CSNK2A1: variants seen among roughly 807,000 people sequenced by gnomAD.
CSNK2A1 encodes the protein casein kinase II subunit alpha.
In CSNK2A1, 10 loss-of-function variants were observed where a neutral mutation model predicts 62.9. The ratio of observed to expected loss-of-function variants is 0.16; its 90% CI spans 0.10 to 0.27. CSNK2A1 has a LOEUF of 0.27. Ranked by LOEUF, CSNK2A1 falls within the 10% of genes least tolerant of loss-of-function variation. CSNK2A1 has a pLI of 1.00. For synonymous variants in CSNK2A1, 124 were observed against 167.8 expected (o/e 0.74, Z 2.02); for missense variants, 160 against 492.0 (o/e 0.33, Z 6.38).
chr20:487,458 A>G lies in CSNK2A1; in HGVS notation c.942T>C (p.Thr314=). 3 of 1,614,136 alleles carry G rather than the reference A, an allele frequency of 1.9e-6. No homozygotes were observed. Among genetic ancestry groups the G allele is most frequent in the Non-Finnish European group, 2.5e-6 (3 of 1,180,030 alleles). Residue 314 remains threonine, a synonymous_variant, in exon 12 of 14, where the codon ACT becomes ACC. Transcript: ENST00000217244. ...LLRYDHQSRL[T]AREAMEHPYF... The stretch of plus-strand genomic sequence containing the variant: ...AGGGGTGCTCCATTGCCTCTCTTGC[A>G]GTAAGCCGTGACTGGTGGTCATATC...
intron 13 of CSNK2A1, among the ~76,000 whole-genome samples, chr20:484,892 C>A (rs930805305): frequency 6.6e-6 from 1 of 150,580 alleles, no homozygotes; most frequent in Non-Finnish European, 1.5e-5. Flanking sequence ...CATGGTGAAA[C>A]CCCATCTCTA....
At chr20:490,034 CTT>C (rs760882404) in intron 9 of CSNK2A1, among the ~76,000 whole-genome samples, 153 bp from the exon 10 acceptor site, 39 of 142,462 alleles carry the variant, frequency 2.7e-4, no homozygotes, top group Non-Finnish European at 2.6e-4. Flanking sequence ...TTTAGTCTTT[CTT>C]TTTTTTTTTT....
At chr20:491,706 G>A (rs879929958) in intron 9 of CSNK2A1, among the ~76,000 whole-genome samples, 5 of 151,766 alleles carry the variant, frequency 3.3e-5, no homozygotes, top group Non-Finnish European at 7.4e-5. Flanking sequence ...GGTGGCTCAC[G>A]AGGGCAGGAG....
intron 10 of CSNK2A1, chr20:489,055 T>C: frequency 3.1e-6 from 1 of 326,404 alleles, no homozygotes; most frequent in South Asian, 3.6e-5. Flanking sequence ...AAGCTCCCAT[T>C]GCACACTCAA....
intron 2 of CSNK2A1, among the ~76,000 whole-genome samples, chr20:509,882 T>C (rs964564336): frequency 2.0e-5 from 3 of 152,038 alleles, no homozygotes; most frequent in African/African-American, 7.2e-5. Flanking sequence ...CAGCCATAAC[T>C]TCAATTCAAT....
chr20:525,950 A>C, intron 2 of CSNK2A1, among the ~76,000 whole-genome samples: 1 of 151,532 alleles, frequency 6.6e-6, no homozygotes, highest in East Asian at 1.9e-4. Flanking sequence ...GGCTGCAGTG[A>C]GCTGTGATTA....
chr20:537,985 G>A (rs2019370599), intron 1 of CSNK2A1, among the ~76,000 whole-genome samples: 2 of 144,290 alleles, frequency 1.4e-5, no homozygotes, highest in Admixed American at 1.4e-4. Context: ...TTTTTGAGAC[G>A]GAGTCTTGCT....
intron 2 of CSNK2A1, among the ~76,000 whole-genome samples, chr20:523,872 A>C: frequency 6.6e-6 from 1 of 150,796 alleles, no homozygotes; most frequent in Non-Finnish European, 1.5e-5. Flanking sequence ...AAAAAAAAAA[A>C]AAAAAAAAAC....
chr20:487,693 C>T (rs1037549540), intron 11 of CSNK2A1, 118 bp from the exon 12 acceptor site: 1 of 1,404,224 alleles, frequency 7.1e-7, no homozygotes, highest in African/African-American at 1.4e-5. Context: ...GGGATCCAAA[C>T]TCAAGAGGGT....
At chr20:517,317 T>C (rs2018847981) in intron 2 of CSNK2A1, among the ~76,000 whole-genome samples, 1 of 152,264 alleles carries the variant, frequency 6.6e-6, no homozygotes, top group South Asian at 2.1e-4. Flanking sequence ...TCTTTCTTCC[T>C]TTCCAATCAA....
At chr20:485,066 C>CAAAAAAAA (rs1157352244) in intron 13 of CSNK2A1, among the ~76,000 whole-genome samples, 1 of 22,032 alleles carries the variant, frequency 4.5e-5, no homozygotes, top group Non-Finnish European at 7.5e-5. Flanking sequence ...ACCTTGTCTC[C>CAAAAAAAA]AAAAAAAAAA....
chr20:485,507 C>T (rs2018079141), intron 13 of CSNK2A1, among the ~76,000 whole-genome samples: 1 of 152,120 alleles, frequency 6.6e-6, no homozygotes, highest in African/African-American at 2.4e-5. Flanking sequence ...TTAAATTTCA[C>T]ATTATTATAT....
At chr20:539,931 A>C (rs1455083872) in intron 1 of CSNK2A1, 1 of 152,246 alleles carries the variant, frequency 6.6e-6, no homozygotes. Context: ...ACAGTTAGAC[A>C]TTCCAGTTCA....
intron 9 of CSNK2A1, among the ~76,000 whole-genome samples, chr20:490,410 A>AC (rs1491273543): frequency 4.2e-5 from 2 of 47,112 alleles, no homozygotes; most frequent in Non-Finnish European, 8.6e-5. Flanking sequence ...AACAATTTTT[A>AC]CTTTTTTTTT....
At position 504,617 on chromosome 20, in the gene CSNK2A1, C is replaced by A. The variant is rs571717185; in HGVS notation, c.213+501G>T. 1.7e-3 allele frequency: 254 copies of A among 153,432 alleles called. 1 individual carries two copies. Among genetic ancestry groups the A allele is most frequent in the Non-Finnish European group, 3.0e-3 (205 of 68,886 alleles). 9.5% of individuals were successfully genotyped at this position (153,432 alleles called of 1,614,324 possible). On this transcript the variant is annotated intron_variant, in intron 4 of 13. Coordinates refer to ENST00000217244, the MANE Select transcript of CSNK2A1 (RefSeq NM_177559.3). Reference sequence around the variant, plus strand: ...ACTGCAGGGCAATCATCAGCTTCAGCTGAGAAGCAGCTAACTCCTTTTGAA... The same window carrying A: ...ACTGCAGGGCAATCATCAGCTTCAGATGAGAAGCAGCTAACTCCTTTTGAA...
At chr20:523,714 AC>A (rs2018997910) in intron 2 of CSNK2A1, among the ~76,000 whole-genome samples, 1 of 151,966 alleles carries the variant, frequency 6.6e-6, no homozygotes, top group Non-Finnish European at 1.5e-5. Context: ...ACACGGTGAA[AC>A]CCCGTCTCTA....
intron 1 of CSNK2A1, among the ~76,000 whole-genome samples, chr20:530,612 T>C (rs540450586): frequency 1.3e-5 from 2 of 152,154 alleles, no homozygotes; most frequent in South Asian, 4.2e-4. Context: ...TAGCTGGGAC[T>C]ATGGGTGTGC....
At position 499,114 on chromosome 20, in the gene CSNK2A1, T is replaced by C. The variant is rs2018405700; in HGVS notation, c.366+141A>G. ...AAGTGGGCACTGCTTATATAGGAGTTCTTCTATCTTAAAATTTGCACTGTA... is the reference window on the plus strand; with the variant it reads ...AAGTGGGCACTGCTTATATAGGAGTCCTTCTATCTTAAAATTTGCACTGTA... On this transcript the variant is annotated intron_variant, in intron 6 of 13. Coordinates refer to ENST00000217244, the MANE Select transcript of CSNK2A1 (RefSeq NM_177559.3). The surrounding 1 kb of genome is among the most constrained non-coding windows in gnomAD (Gnocchi z 4.2). 1 of 568,142 alleles carries C rather than the reference T, an allele frequency of 1.8e-6. No homozygotes were observed. Among genetic ancestry groups the C allele is most frequent in the Non-Finnish European group, 2.8e-6 (1 of 354,326 alleles). The allele number at this position is 568,142 out of a possible 1,614,324, so 35.2% of individuals were successfully genotyped here.
At chr20:485,139 A>ATATATATATATATATATATATAT (rs1568496927) in intron 13 of CSNK2A1, among the ~76,000 whole-genome samples, 1 of 80,344 alleles carries the variant, frequency 1.2e-5, no homozygotes, top group Non-Finnish European at 2.5e-5. Context: ...TATATATATG[A>ATATATATATATATATATATATAT]GAACATTATT....
Sources: allele counts gnomAD v4.1 joint callset (sites outside exome capture counted in the v4.1 genomes callset), GRCh38; gene constraint gnomAD v4.1.1; non-coding constraint Gnocchi (gnomAD v3.1); transcripts MANE v1.5; gene names NCBI Gene and HGNC (gene_info 2026-07-23, HGNC 2026-07-21).